Variants in STK3 observed in about 807,000 individuals in gnomAD.
STK3 encodes serine/threonine-protein kinase 3.
In STK3, 41 loss-of-function variants were observed where a neutral mutation model predicts 58.0. That is an observed-to-expected ratio of 0.71 (90% CI 0.55 to 0.92). The LOEUF (loss-of-function observed/expected upper bound fraction) is 0.92. Among genes scored for constraint, STK3 ranks in the 40% least tolerant of loss-of-function variants. STK3 has a pLI of 0.00. For synonymous variants in STK3, 170 were observed against 191.0 expected (o/e 0.89, Z 0.91); for missense variants, 479 against 602.7 (o/e 0.79, Z 2.15).
chr8:98,745,993 G>A (rs1032774630), intron 4 of STK3, among the ~76,000 whole-genome samples: 3 of 152,194 alleles, frequency 2.0e-5, no homozygotes, highest in Non-Finnish European at 4.4e-5. Context: ...GTAAGTATTC[G>A]TGTATCTAAA....
Position 98,825,577 on chromosome 8 carries a change from C to A in STK3, c.-37G>T. 1 of 1,439,472 alleles carries A rather than the reference C, an allele frequency of 6.9e-7. No individual in the cohort carries two copies. The highest frequency in any genetic ancestry group is 9.2e-7 in the Non-Finnish European group (1 of 1,090,518). 89.2% of individuals were successfully genotyped at this position (1,439,472 alleles called of 1,614,324 possible). On this transcript the variant is annotated 5_prime_UTR_variant, in exon 1 of 11. Transcript: ENST00000419617. ...ACAGAGAGAGGGACCTGGTGGACGG[C>A]GAAGGCCGAAAGGAGGAAAGGAGCC...
chr8:98,910,880 A>G (rs1221132887), intron 1 of STK3, among the ~76,000 whole-genome samples: 1 of 152,212 alleles, frequency 6.6e-6, no homozygotes, highest in Non-Finnish European at 1.5e-5. Flanking sequence ...GGGCAGAGAG[A>G]TTATAGCCCC....
intron 10 of STK3, among the ~76,000 whole-genome samples, chr8:98,458,123 ACACACACACACATGTG>A (rs1276273819): frequency 1.3e-5 from 2 of 152,102 alleles, no homozygotes; most frequent in Non-Finnish European, 2.9e-5. Flanking sequence ...ATACACACAC[ACACACACACACATGTG>A]CACACACACA....
intron 3 of STK3, among the ~76,000 whole-genome samples, chr8:98,762,619 C>G (rs1002421638): frequency 3.3e-5 from 5 of 152,186 alleles, no homozygotes; most frequent in Non-Finnish European, 5.9e-5. Context: ...GTAGGTGGTA[C>G]TCAATACATA....
chr8:98,596,234 T>C (rs1303234203), intron 6 of STK3, 65 bp from the exon 7 acceptor site: 1 of 1,481,004 alleles, frequency 6.8e-7, no homozygotes, highest in Non-Finnish European at 9.1e-7. Context: ...TAAACAAATC[T>C]CTTTATCTGT....
At chr8:98,687,087 A>T (rs1399714165) in intron 6 of STK3, among the ~76,000 whole-genome samples, 1 of 152,202 alleles carries the variant, frequency 6.6e-6, no homozygotes. Flanking sequence ...GATAACTCCT[A>T]CAAGATACTA....
At chr8:98,768,928 A>G (rs1831118663) in intron 2 of STK3, among the ~76,000 whole-genome samples, 1 of 152,186 alleles carries the variant, frequency 6.6e-6, no homozygotes, top group African/African-American at 2.4e-5. Flanking sequence ...GGAGTTTCTC[A>G]AGACTGCAGG....
intron 4 of STK3, among the ~76,000 whole-genome samples, chr8:98,734,331 G>C (rs191854131): frequency 6.6e-6 from 1 of 152,296 alleles, no homozygotes; most frequent in East Asian, 1.9e-4. Flanking sequence ...CTTGTCAGTT[G>C]AATGATTTGC....
intron 1 of STK3, among the ~76,000 whole-genome samples, chr8:98,776,957 G>A (rs989387286): frequency 6.6e-6 from 1 of 152,008 alleles, no homozygotes; most frequent in African/African-American, 2.4e-5. Flanking sequence ...GGCTGAGGCA[G>A]GAGAATGGCG....
intron 1 of STK3, among the ~76,000 whole-genome samples, chr8:98,928,879 A>C (rs1839904722): frequency 6.6e-6 from 1 of 152,254 alleles, no homozygotes; most frequent in Non-Finnish European, 1.5e-5. Flanking sequence ...GGGGGCTTTA[A>C]CAACTGTATG....
intron 1 of STK3, among the ~76,000 whole-genome samples, chr8:98,925,342 G>C (rs1285701784): frequency 6.6e-6 from 1 of 152,206 alleles, no homozygotes; most frequent in Admixed American, 6.5e-5. Context: ...TGCATCACAA[G>C]GCAGGAAAAG....
intron 2 of STK3, among the ~76,000 whole-genome samples, chr8:98,376,174 T>C (rs1001953007): frequency 2.0e-5 from 3 of 152,250 alleles, no homozygotes; most frequent in Non-Finnish European, 4.4e-5. Context: ...AATGGCTAAT[T>C]TTATCAAGCA....
intron 6 of STK3, among the ~76,000 whole-genome samples, chr8:98,656,055 A>G (rs1184698447): frequency 6.6e-6 from 1 of 152,186 alleles, no homozygotes; most frequent in Non-Finnish European, 1.5e-5. Flanking sequence ...TTGTGGCACT[A>G]TTCACAATAG....
chr8:98,466,616 G>A lies in STK3; in HGVS notation c.1318-10616C>T, dbSNP rs146849255. On this transcript the variant is annotated intron_variant, in intron 10 of 10. Transcript: ENST00000419617. ...TAGTGCTGGGAGCAGGAAGGAGACC[G>A]GATGTTATTATGTAAATGGTGACTT... is the stretch of plus-strand genomic sequence containing the variant. Among the ~76,000 whole-genome samples the A allele has an allele frequency of 7.4e-3, 1,122 of 152,230 alleles. 8 individuals are homozygous for A. Among genetic ancestry groups the A allele is most frequent in the African/African-American group, 0.025 (1,051 of 41,532 alleles).
chr8:98,797,549 G>A (rs1394570872), intron 1 of STK3, among the ~76,000 whole-genome samples: 4 of 152,150 alleles, frequency 2.6e-5, no homozygotes, highest in Admixed American at 6.5e-5. Flanking sequence ...ATAACTGACT[G>A]CAAAGGAACA....
chr8:98,893,486 G>GAAAGAAAGAGAAAGAA (rs776247646), intron 1 of STK3, among the ~76,000 whole-genome samples: 3 of 42,990 alleles, frequency 7.0e-5, no homozygotes, highest in African/African-American at 1.1e-4. Flanking sequence ...AAGAAAGAAA[G>GAAAGAAAGAGAAAGAA]AGAAAGAAAG....
chr8:98,370,943 T>A (rs1260437224), downstream of STK3, among the ~76,000 whole-genome samples: 1 of 152,222 alleles, frequency 6.6e-6, no homozygotes. Flanking sequence ...AGGGGTATTA[T>A]ATGTGAAAGA....
intron 10 of STK3, among the ~76,000 whole-genome samples, chr8:98,467,093 G>A (rs909224671): frequency 2.3e-4 from 35 of 152,112 alleles, no homozygotes; most frequent in African/African-American, 8.0e-4. Flanking sequence ...GCACACCAGT[G>A]GGTCTACAGA....
chr8:98,533,649 G>A (rs771451445), intron 9 of STK3, among the ~76,000 whole-genome samples: 1 of 151,970 alleles, frequency 6.6e-6, no homozygotes, highest in Non-Finnish European at 1.5e-5. Context: ...CGCCACACTC[G>A]GTTAATTTTT....
Sources: gnomAD v4.1 joint callset for allele counts (sites outside exome capture counted in the v4.1 genomes callset) on GRCh38, gnomAD v4.1.1 for gene constraint, MANE v1.5 for transcripts, NCBI Gene and HGNC (gene_info 2026-07-23, HGNC 2026-07-21) for gene names.